Variants in SNX30 observed in about 807,000 individuals in gnomAD.
SNX30 encodes the protein sorting nexin family member 30.
SNX30 carries 24 observed loss-of-function variants against 46.4 expected under a neutral mutation model. That is an observed-to-expected ratio of 0.52 (90% confidence interval 0.37 to 0.73). The LOEUF (loss-of-function observed/expected upper bound fraction) is 0.73. SNX30 is among the 30% of genes least tolerant of loss of function. The pLI is 0.00. For synonymous variants in SNX30, 189 were observed against 211.5 expected, an observed-to-expected ratio of 0.89 and a Z score of 0.92; for missense variants, 533 against 555.7, an observed-to-expected ratio of 0.96 and a Z score of 0.41.
chr9:112,884,789 A>G (rs1366850010), downstream of SNX30, among the ~76,000 whole-genome samples: 2 of 152,228 alleles, frequency 1.3e-5, no homozygotes. Context: ...TATGACACAC[A>G]TGAACTAGTA....
intron 1 of SNX30, among the ~76,000 whole-genome samples, chr9:112,765,909 T>C (rs1345181915): frequency 1.3e-5 from 2 of 152,182 alleles, no homozygotes; most frequent in African/African-American, 4.8e-5. Context: ...GTTCAAGTGA[T>C]TCTCCTGCCT....
chr9:112,793,867 A>T (rs1458931802), intron 1 of SNX30, among the ~76,000 whole-genome samples: 2 of 150,812 alleles, frequency 1.3e-5, no homozygotes, highest in Non-Finnish European at 2.9e-5. Context: ...AAAAGGGAGA[A>T]CGCAGAGGCT....
intron 2 of SNX30, among the ~76,000 whole-genome samples, chr9:112,813,032 A>G (rs1177839128): frequency 6.6e-6 from 1 of 152,144 alleles, no homozygotes; most frequent in Non-Finnish European, 1.5e-5. Context: ...CTGTAGTCCC[A>G]GCTACTTGGG....
chr9:112,882,690 G>A (rs1338674081), downstream of SNX30, among the ~76,000 whole-genome samples: 1 of 152,014 alleles, frequency 6.6e-6, no homozygotes, highest in Non-Finnish European at 1.5e-5. Flanking sequence ...GATTGGAGGT[G>A]GGGGGAGATG....
rs971441834 is a variant in SNX30 at position 112,870,375 on chromosome 9, T to G, written c.*1532T>G. The G allele has an allele frequency of 2.0e-5, 3 of 152,274 alleles. No individual in the cohort carries two copies. Among genetic ancestry groups the G allele is most frequent in the African/African-American group, 7.2e-5 (3 of 41,472 alleles). 9.4% of individuals were successfully genotyped at this position (152,274 alleles called of 1,614,324 possible). ...TCAGCGGGCAGCACGTCAAGGTCAC[T>G]TAAGCCCACTTTTAACTGCAGGTCA... On this transcript the variant is annotated 3_prime_UTR_variant, in exon 9 of 9. Transcript: ENST00000374232.
At chr9:112,805,410 CAGAT>C (rs1034796805) in intron 2 of SNX30, among the ~76,000 whole-genome samples, 3 of 152,036 alleles carry the variant, frequency 2.0e-5, no homozygotes, top group Non-Finnish European at 2.9e-5. Context: ...TGGTATGTGT[CAGAT>C]AGGTAGTGGG....
At chr9:112,806,332 A>G (rs1399277966) in intron 2 of SNX30, among the ~76,000 whole-genome samples, 1 of 152,196 alleles carries the variant, frequency 6.6e-6, no homozygotes, top group Non-Finnish European at 1.5e-5. Context: ...ATCACTTTGT[A>G]TCTTGGGATA....
intron 1 of SNX30, among the ~76,000 whole-genome samples, chr9:112,795,642 T>C (rs1840093436): frequency 6.6e-6 from 1 of 152,044 alleles, no homozygotes; most frequent in Admixed American, 6.6e-5. Context: ...GATCTTTATG[T>C]GGGCTGTTCC....
At chr9:112,807,024 T>C (rs1840235045) in intron 2 of SNX30, among the ~76,000 whole-genome samples, 1 of 151,656 alleles carries the variant, frequency 6.6e-6, no homozygotes, top group South Asian at 2.1e-4. Flanking sequence ...AGTTTTTTGA[T>C]GTTACTACTC....
At chr9:112,784,186 T>C (rs545432293) in intron 1 of SNX30, among the ~76,000 whole-genome samples, 42 of 152,254 alleles carry the variant, frequency 2.8e-4, no homozygotes, top group African/African-American at 8.2e-4. Context: ...CATCTGCCCT[T>C]GCCTCTCCTG....
chr9:112,804,972 G>T lies in SNX30; in HGVS notation c.348+5G>T. The T allele has an allele frequency of 6.3e-7, 1 of 1,582,276 alleles. No homozygotes were observed. On this transcript the variant is annotated splice_donor_5th_base_variant and intron_variant, in intron 2 of 8. Coordinates refer to ENST00000374232, the MANE Select transcript of SNX30 (RefSeq NM_001012994.2). The stretch of plus-strand genomic sequence containing the variant: ...ACCTATAGGATCACCACCAAAGTAG[G>T]TCCCTGTGTTATAGAATGCCCGTGT...
At chr9:112,883,071 C>T (rs761434041), downstream of SNX30, among the ~76,000 whole-genome samples, 1 of 152,172 alleles carries the variant, frequency 6.6e-6, no homozygotes, top group African/African-American at 2.4e-5. Flanking sequence ...AGCAGGTCAA[C>T]GGATGCAGCT....
At chr9:112,805,125 G>A (rs972583207) in intron 2 of SNX30, among the ~76,000 whole-genome samples, 158 bp downstream of exon 2, 12 of 152,134 alleles carry the variant, frequency 7.9e-5, no homozygotes, top group Non-Finnish European at 1.5e-4. Context: ...ATGTAATTCA[G>A]ATGAAAAGGA....
rs1841449246 is a variant in SNX30, at chr9:112,871,768, T to G, written c.*2925T>G. 6.6e-6 allele frequency: 1 copy of G among 152,098 alleles called. No individual in the cohort carries two copies. Among genetic ancestry groups the G allele is most frequent in the Non-Finnish European group, 1.5e-5 (1 of 68,030 alleles). The allele number at this position is 152,098 out of a possible 1,614,324, so 9.4% of individuals were successfully genotyped here. On this transcript the variant is annotated 3_prime_UTR_variant, in exon 9 of 9. Transcript: ENST00000374232. ...AGATTTTAGAGACGCAAATGATGTT[T>G]AAGAGAGCCTTGTGATTTGTAGCAA...
At chr9:112,768,415 A>T (rs1161262910) in intron 1 of SNX30, among the ~76,000 whole-genome samples, 2 of 152,192 alleles carry the variant, frequency 1.3e-5, no homozygotes, top group Non-Finnish European at 1.5e-5. Flanking sequence ...AGATACAGAG[A>T]TTCAGAATCT....
intron 3 of SNX30, among the ~76,000 whole-genome samples, chr9:112,818,968 T>G (rs73550374): frequency 0.013 from 1,935 of 152,318 alleles, 54 homozygotes; most frequent in African/African-American, 0.044. Context: ...CTTAAAAACA[T>G]GCCTGAAGAG....
At chr9:112,784,292 CTT>C (rs1323778804) in intron 1 of SNX30, among the ~76,000 whole-genome samples, 1 of 152,158 alleles carries the variant, frequency 6.6e-6, no homozygotes, top group East Asian at 1.9e-4. Flanking sequence ...GTATTTCCCT[CTT>C]TATTTTTTCT....
Position 112,869,198 on chromosome 9 carries a change from G to T in SNX30, c.*355G>T, listed in dbSNP as rs1841407089. 16 of 227,090 alleles carry T rather than the reference G, an allele frequency of 7.0e-5. No homozygotes were observed. In the South Asian group the frequency reaches 1.1e-3, roughly 16 times the overall value. The allele number at this position is 227,090 out of a possible 1,614,324, so 14.1% of individuals were successfully genotyped here. A position where few individuals can be genotyped will look rare whatever the true frequency, so the allele number is the denominator to read the frequency against. ...CTCTTTAGGGACAGCTGAGTTGCCA[G>T]TTGTGGGAGAGAACCCGGGGCCTGC... On this transcript the variant is annotated 3_prime_UTR_variant, in exon 9 of 9. Transcript: ENST00000374232.
rs558154475 is a variant in SNX30, at chr9:112,752,092, C to G, written c.156+935C>G. ...TAGTAAAATACTAAATGAATTCCCC[C>G]TTGTCCCAATATTAATGGGAGCAGG... On this transcript the variant is annotated intron_variant, in intron 1 of 8. Coordinates refer to ENST00000374232, the MANE Select transcript of SNX30 (RefSeq NM_001012994.2). 1.4e-3 allele frequency among the ~76,000 whole-genome samples: 214 copies of G among 152,296 alleles called. 2 individuals carry two copies. Among genetic ancestry groups the G allele is most frequent in the African/African-American group, 4.6e-3 (192 of 41,570 alleles).
Sources: allele counts gnomAD v4.1 joint callset (sites outside exome capture counted in the v4.1 genomes callset), GRCh38; gene constraint gnomAD v4.1.1; transcripts MANE v1.5; gene names NCBI Gene and HGNC (gene_info 2026-07-23, HGNC 2026-07-21).